SAMD3: variants seen among roughly 807,000 people sequenced by gnomAD.
SAMD3 encodes sterile alpha motif domain containing 3.
SAMD3 carries 63 observed loss-of-function variants against 58.5 expected under a neutral mutation model. That is an observed-to-expected ratio of 1.08 (90% CI 0.88 to 1.33). SAMD3 has a LOEUF of 1.33. Among genes scored for constraint, SAMD3 ranks in the 40% most tolerant of loss-of-function variants. SAMD3 has a pLI of 0.00. For synonymous variants in SAMD3, 220 were observed against 210.3 expected, an observed-to-expected ratio of 1.05 and a Z score of -0.40; for missense variants, 604 against 608.4, an observed-to-expected ratio of 0.99 and a Z score of 0.08.
chr6:130,364,720 T>C (rs1457328146), intron 1 of SAMD3, among the ~76,000 whole-genome samples: 1 of 152,122 alleles, frequency 6.6e-6, no homozygotes, highest in Non-Finnish European at 1.5e-5. Flanking sequence ...TATAAAACAT[T>C]TTGATTGTGA....
chr6:130,297,212 C>A (rs1775599596), intron 2 of SAMD3, among the ~76,000 whole-genome samples: 1 of 152,176 alleles, frequency 6.6e-6, no homozygotes, highest in African/African-American at 2.4e-5. Flanking sequence ...ACATCCAATG[C>A]ATCACTACAA....
intron 2 of SAMD3, among the ~76,000 whole-genome samples, chr6:130,250,573 C>T (rs1233719527): frequency 6.6e-6 from 1 of 152,146 alleles, no homozygotes; most frequent in Admixed American, 6.5e-5. Context: ...CATTAGCAGT[C>T]ACTCTCCATT....
intron 5 of SAMD3, among the ~76,000 whole-genome samples, chr6:130,199,169 A>C (rs186013224): frequency 6.6e-6 from 1 of 152,330 alleles, no homozygotes; most frequent in African/African-American, 2.4e-5. Context: ...CACCAGCAAT[A>C]GTATTAGTAC....
chr6:130,309,498 G>T lies in SAMD3; in HGVS notation c.-188+3480C>A, dbSNP rs567265246. On this transcript the variant is annotated intron_variant, in intron 2 of 13. Transcript: ENST00000368134. ...TTGTTGTTGCTTTTAAGTCCACAAA[G>T]TCAATGCTAGTGCTTTTAAAATCAT... Among the ~76,000 whole-genome samples the T allele has an allele frequency of 6.6e-5, 10 of 152,272 alleles. No individual in the cohort carries two copies. The South Asian group carries it at 1.9e-3, about 28-fold the overall frequency.
intron 8 of SAMD3, among the ~76,000 whole-genome samples, chr6:130,169,588 C>G (rs1048311262): frequency 1.3e-5 from 2 of 152,170 alleles, no homozygotes; most frequent in Admixed American, 6.5e-5. Flanking sequence ...ACTGCTAACC[C>G]CAATACATTC....
intron 8 of SAMD3, among the ~76,000 whole-genome samples, chr6:130,168,509 C>G (rs1056784121): frequency 3.3e-5 from 5 of 152,096 alleles, no homozygotes; most frequent in Non-Finnish European, 5.9e-5. Context: ...TTTGGTAAAT[C>G]CCATCAGACC....
At position 130,257,104 on chromosome 6, in the gene SAMD3, G is replaced by T. The variant is rs562167921; in HGVS notation, c.-187-34291C>A. Among the ~76,000 whole-genome samples the T allele has an allele frequency of 7.2e-5, 11 of 152,214 alleles. No homozygotes were observed. In the South Asian group the frequency reaches 2.3e-3, roughly 32 times the overall value. ...AGCCTTAGTAAAGACTAAGGTTGGG[G>T]TCCTAATCTGATAAGACTGTTGCCT... On this transcript the variant is annotated intron_variant, in intron 2 of 13. Coordinates refer to the SAMD3 transcript ENST00000368134.
chr6:130,165,408 C>A (rs61237911), intron 8 of SAMD3, among the ~76,000 whole-genome samples: 31,791 of 151,880 alleles, frequency 0.21, 3,998 homozygotes, highest in East Asian at 0.48. Context: ...CAAAAACAAA[C>A]AAACAAAAAA....
At chr6:130,289,496 A>T (rs939256247) in intron 2 of SAMD3, among the ~76,000 whole-genome samples, 28 of 151,180 alleles carry the variant, frequency 1.9e-4, no homozygotes, top group African/African-American at 5.6e-4. Flanking sequence ...TAAAGAAAAA[A>T]AAATATATAT....
At chr6:130,303,688 C>T (rs1405277792) in intron 2 of SAMD3, among the ~76,000 whole-genome samples, 3 of 152,154 alleles carry the variant, frequency 2.0e-5, no homozygotes, top group Non-Finnish European at 2.9e-5. Context: ...TTCTCCACTG[C>T]TCTACCACCC....
intron 1 of SAMD3, among the ~76,000 whole-genome samples, chr6:130,334,508 C>T (rs1340275552): frequency 2.6e-5 from 4 of 152,174 alleles, no homozygotes; most frequent in African/African-American, 9.7e-5. Context: ...ACAGCAACGG[C>T]TTTAAAATGA....
chr6:130,154,732 T>A, intron 9 of SAMD3, 93 bp downstream of exon 9: 1 of 202,158 alleles, frequency 4.9e-6, no homozygotes, highest in Admixed American at 6.3e-5. Context: ...TATATATATA[T>A]ATATATATAT....
chr6:130,152,543 G>A (rs1789310487), intron 9 of SAMD3, among the ~76,000 whole-genome samples: 1 of 152,026 alleles, frequency 6.6e-6, no homozygotes, highest in South Asian at 2.1e-4. Context: ...CAGGCGTGGT[G>A]GCGTGCATCC....
chr6:130,297,868 A>C (rs907300115), intron 2 of SAMD3, among the ~76,000 whole-genome samples: 1 of 152,222 alleles, frequency 6.6e-6, no homozygotes, highest in Non-Finnish European at 1.5e-5. Flanking sequence ...TCAAAGCCTT[A>C]GAGAAATATA....
chr6:130,178,673 G>A (rs1318713522), intron 7 of SAMD3, among the ~76,000 whole-genome samples: 2 of 152,210 alleles, frequency 1.3e-5, no homozygotes, highest in Admixed American at 6.5e-5. Flanking sequence ...TATCAGCCAA[G>A]TAACCCCTCT....
chr6:130,313,968 T>C (rs1338684264), intron 1 of SAMD3, among the ~76,000 whole-genome samples: 1 of 152,242 alleles, frequency 6.6e-6, no homozygotes, highest in African/African-American at 2.4e-5. Context: ...TCCCATTCTC[T>C]TTGTTCTTGT....
chr6:130,226,157 G>A (rs1044327793), upstream of SAMD3, among the ~76,000 whole-genome samples: 16 of 152,194 alleles, frequency 1.1e-4, no homozygotes, highest in African/African-American at 3.6e-4. Flanking sequence ...TGGAGCTTGA[G>A]GTGTTATTGA....
intron 2 of SAMD3, among the ~76,000 whole-genome samples, chr6:130,237,726 C>A (rs4897383): frequency 0.12 from 18,367 of 152,066 alleles, 1,421 homozygotes; most frequent in East Asian, 0.36. Flanking sequence ...TCAAACTACT[C>A]GTAAGTGTCT....
intron 2 of SAMD3, among the ~76,000 whole-genome samples, chr6:130,270,685 T>A (rs1774526995): frequency 6.6e-6 from 1 of 152,232 alleles, no homozygotes; most frequent in Non-Finnish European, 1.5e-5. Flanking sequence ...CATATGGTCT[T>A]ACAGATACAT....
Sources: allele counts gnomAD v4.1 joint callset (sites outside exome capture counted in the v4.1 genomes callset), GRCh38; gene constraint gnomAD v4.1.1; transcripts MANE v1.5; gene names NCBI Gene and HGNC (gene_info 2026-07-23, HGNC 2026-07-21).